DCC: variants seen among roughly 807,000 people sequenced by gnomAD.
DCC encodes the protein netrin receptor DCC.
Under a neutral mutation model 172.5 loss-of-function variants are expected in DCC, and 58 were observed. That is an observed-to-expected ratio of 0.34 (90% CI 0.27 to 0.42). The LOEUF (loss-of-function observed/expected upper bound fraction) is 0.42, where lower values mean the gene tolerates loss of function less well. DCC is among the 10% of genes least tolerant of loss of function. DCC has a pLI of 1.00. For synonymous variants in DCC, 709 were observed against 644.5 expected (o/e 1.10, Z -1.52); for missense variants, 1,740 against 1,791.0 (o/e 0.97, Z 0.51).
chr18:53,330,052 A>G (rs2057513292), intron 14 of DCC, among the ~76,000 whole-genome samples: 1 of 152,210 alleles, frequency 6.6e-6, no homozygotes, highest in Non-Finnish European at 1.5e-5. Context: ...ACAGTGGTTG[A>G]TTCTGGTGAT....
chr18:52,766,785 A>T (rs1288189710), intron 2 of DCC, among the ~76,000 whole-genome samples: 1 of 152,000 alleles, frequency 6.6e-6, no homozygotes, highest in African/African-American at 2.4e-5. Context: ...GCAGGAAAAC[A>T]GGGATATAAG....
chr18:53,205,766 C>T (rs2055616423), intron 10 of DCC, among the ~76,000 whole-genome samples: 1 of 152,014 alleles, frequency 6.6e-6, no homozygotes, highest in African/African-American at 2.4e-5. Flanking sequence ...CATTCTAAGA[C>T]ATTTATATCT....
At chr18:52,988,627 T>C (rs759461562) in intron 5 of DCC, among the ~76,000 whole-genome samples, 5 of 152,164 alleles carry the variant, frequency 3.3e-5, no homozygotes, top group Admixed American at 6.5e-5. Flanking sequence ...ATAAGGCATT[T>C]TGCTCTCAAA....
At chr18:53,367,609 C>T (rs557638474) in intron 15 of DCC, among the ~76,000 whole-genome samples, 3 of 152,172 alleles carry the variant, frequency 2.0e-5, no homozygotes, top group East Asian at 1.9e-4. Flanking sequence ...GCCATCGAAC[C>T]GTACATCTCT....
chr18:52,594,362 A>G (rs961835329), intron 1 of DCC, among the ~76,000 whole-genome samples: 2 of 152,214 alleles, frequency 1.3e-5, no homozygotes, highest in African/African-American at 4.8e-5. Context: ...TTCCAAGCCC[A>G]GTATCCCTGA....
At chr18:52,979,014 G>A (rs1173323836) in intron 5 of DCC, among the ~76,000 whole-genome samples, 1 of 151,944 alleles carries the variant, frequency 6.6e-6, no homozygotes, top group Non-Finnish European at 1.5e-5. Context: ...GAATTGTGCT[G>A]TAATAACATG....
chr18:53,524,487 T>C (rs2046433241), intron 27 of DCC, among the ~76,000 whole-genome samples: 1 of 152,110 alleles, frequency 6.6e-6, no homozygotes, highest in Non-Finnish European at 1.5e-5. Context: ...TGTTTAACTT[T>C]AAATGTGTTT....
chr18:53,516,936 T>C lies in DCC; in HGVS notation c.4112-9681T>C, dbSNP rs1474037808. On this transcript the variant is annotated intron_variant, in intron 27 of 28. Transcript: ENST00000442544. ...CTGGAAATACCATTTGACCCAGCCA[T>C]CCCATTACTGGGTATATACCCAAAG... Among the ~76,000 whole-genome samples, 69 of 144,436 alleles carry C rather than the reference T, an allele frequency of 4.8e-4. 1 individual carries two copies. In the East Asian group the frequency reaches 0.01, roughly 22 times the overall value. 94.8% of individuals were successfully genotyped at this position (144,436 alleles called of 152,430 possible).
intron 1 of DCC, among the ~76,000 whole-genome samples, chr18:52,541,339 C>T (rs975671482): frequency 1.3e-5 from 2 of 152,190 alleles, no homozygotes; most frequent in Non-Finnish European, 2.9e-5. Context: ...TTAATTATAT[C>T]TTCTCATTAC....
In DCC at chr18:52,822,768, T is replaced by C. The variant is rs541123660; in HGVS notation, c.412+70394T>C. 7.9e-5 allele frequency among the ~76,000 whole-genome samples: 12 copies of C among 152,340 alleles called. No homozygotes were observed. In the South Asian group the frequency reaches 2.5e-3, roughly 32 times the overall value. ...AAGGTTGTCTTTAGGATTAAGGTTG[T>C]GGTGGAGATACAATTTTTTCCTTAA... On this transcript the variant is annotated intron_variant, in intron 2 of 28. Transcript: ENST00000442544.
intron 1 of DCC, among the ~76,000 whole-genome samples, chr18:52,352,045 A>T (rs753994479): frequency 5.9e-5 from 9 of 152,146 alleles, no homozygotes; most frequent in African/African-American, 7.2e-5. Flanking sequence ...TTTGATTGAG[A>T]TCCTTAAACC....
chr18:52,802,363 T>TATATAC (rs1483120992), intron 2 of DCC, among the ~76,000 whole-genome samples: 1 of 152,062 alleles, frequency 6.6e-6, no homozygotes, highest in East Asian at 1.9e-4. Context: ...TGTTTTTGTA[T>TATATAC]ATATACATAT....
At chr18:53,462,145 TG>T (rs1483959473) in intron 24 of DCC, among the ~76,000 whole-genome samples, 1 of 152,214 alleles carries the variant, frequency 6.6e-6, no homozygotes, top group African/African-American at 2.4e-5. Flanking sequence ...ATCCAAATTC[TG>T]GGTCTCTTAT....
intron 1 of DCC, among the ~76,000 whole-genome samples, chr18:52,498,880 ATTAC>A (rs1338126463): frequency 6.6e-6 from 1 of 152,066 alleles, no homozygotes. Context: ...TTTAACCTTA[ATTAC>A]TTACTTTACT....
chr18:53,398,633 G>A (rs1909107104), intron 18 of DCC, among the ~76,000 whole-genome samples: 1 of 152,100 alleles, frequency 6.6e-6, no homozygotes, highest in Non-Finnish European at 1.5e-5. Context: ...AGAAGTAGTA[G>A]TATTTTCATC....
chr18:53,055,591 T>A (rs7228737), intron 5 of DCC, among the ~76,000 whole-genome samples: 6,003 of 152,246 alleles, frequency 0.039, 371 homozygotes, highest in African/African-American at 0.13. Context: ...TCTACTCTCT[T>A]AAGGCTAGAA....
At chr18:52,498,381 T>TG (rs2030883046) in intron 1 of DCC, among the ~76,000 whole-genome samples, 1 of 152,098 alleles carries the variant, frequency 6.6e-6, no homozygotes, top group Non-Finnish European at 1.5e-5. Flanking sequence ...CCCAGCACTT[T>TG]GGGGGGCCAA....
intron 24 of DCC, among the ~76,000 whole-genome samples, chr18:53,463,821 A>C (rs758091264): frequency 3.3e-5 from 5 of 152,190 alleles, no homozygotes; most frequent in Non-Finnish European, 7.4e-5. Context: ...GCGCCCATGA[A>C]ATTAGCTTTT....
At chr18:53,245,102 A>T (rs2056350079) in intron 12 of DCC, among the ~76,000 whole-genome samples, 1 of 152,114 alleles carries the variant, frequency 6.6e-6, no homozygotes, top group South Asian at 2.1e-4. Flanking sequence ...ATACCATCTT[A>T]CTATAGTCCA....
Sources: allele counts gnomAD v4.1 joint callset (sites outside exome capture counted in the v4.1 genomes callset), GRCh38; gene constraint gnomAD v4.1.1; transcripts MANE v1.5; gene names NCBI Gene and HGNC (gene_info 2026-07-23, HGNC 2026-07-21).